Variants in PKIB observed in about 807,000 individuals in gnomAD.
PKIB encodes the protein PKI-beta.
A neutral mutation model predicts 4.5 loss-of-function variants in PKIB; 2 were observed. The observed-to-expected ratio is 0.44, with a 90% confidence interval of 0.18 to 1.39. The LOEUF (loss-of-function observed/expected upper bound fraction) is 1.39. PKIB is among the 40% of genes most tolerant of loss of function. The pLI, the probability that PKIB is intolerant of heterozygous loss-of-function variation, is 0.27. For missense variants in PKIB, 94 were observed against 92.6 expected (o/e 1.02, Z -0.06); for synonymous variants, 38 against 36.0 (o/e 1.06, Z -0.20).
intron 3 of PKIB, among the ~76,000 whole-genome samples, chr6:122,675,712 A>G (rs112422730): frequency 2.3e-3 from 346 of 152,304 alleles, no homozygotes; most frequent in African/African-American, 8.1e-3. Flanking sequence ...GACTTTTTCT[A>G]TTTTAATTTA....
Position 122,720,377 on chromosome 6 carries a change from G to T in PKIB, c.169+2414G>T, listed in dbSNP as rs540463247. Among the ~76,000 whole-genome samples, 138 of 152,254 alleles carry T rather than the reference G, an allele frequency of 9.1e-4. 2 individuals carry two copies. In the South Asian group the frequency reaches 0.028, roughly 31 times the overall value. On this transcript the variant is annotated intron_variant, in intron 4 of 4. Coordinates refer to ENST00000368452, the MANE Select transcript of PKIB (RefSeq NM_181795.3). ...ATATGAACAGGAGGTGACAGAGGGTGGCATCCTGGGATGGAGAAAGATCAG... is the reference window on the plus strand; with the variant it reads ...ATATGAACAGGAGGTGACAGAGGGTTGCATCCTGGGATGGAGAAAGATCAG...
intron 2 of PKIB, among the ~76,000 whole-genome samples, chr6:122,484,460 CTT>C (rs1223599595): frequency 6.6e-6 from 1 of 152,008 alleles, no homozygotes; most frequent in Admixed American, 6.6e-5. Flanking sequence ...ATAAATATGA[CTT>C]AATTTTTGGA....
intron 3 of PKIB, among the ~76,000 whole-genome samples, chr6:122,706,823 A>T (rs1434308027): frequency 6.6e-6 from 1 of 152,042 alleles, no homozygotes; most frequent in Non-Finnish European, 1.5e-5. Flanking sequence ...TCAACGAAGA[A>T]AATAGAAATC....
intron 2 of PKIB, among the ~76,000 whole-genome samples, chr6:122,488,941 A>T (rs1186716960): frequency 6.6e-6 from 1 of 152,136 alleles, no homozygotes; most frequent in East Asian, 1.9e-4. Context: ...CATTCTGGCC[A>T]TTGGCTTTTC....
At chr6:122,674,633 T>C (rs1228360872) in intron 2 of PKIB, among the ~76,000 whole-genome samples, 3 of 152,224 alleles carry the variant, frequency 2.0e-5, no homozygotes, top group Non-Finnish European at 2.9e-5. Context: ...AGAATACTTA[T>C]GGAGGGTGCA....
chr6:122,687,212 A>G (rs1023895431), intron 3 of PKIB, among the ~76,000 whole-genome samples: 3 of 152,168 alleles, frequency 2.0e-5, no homozygotes, highest in African/African-American at 7.2e-5. Flanking sequence ...AGTACCATTT[A>G]TTGAAGAGAC....
chr6:122,528,836 T>C (rs1236139050), intron 2 of PKIB, among the ~76,000 whole-genome samples: 1 of 152,046 alleles, frequency 6.6e-6, no homozygotes, highest in Non-Finnish European at 1.5e-5. Context: ...GTCATACTGA[T>C]TGCACTCTAA....
At chr6:122,602,632 T>C (rs1444309336) in intron 3 of PKIB, among the ~76,000 whole-genome samples, 1 of 152,044 alleles carries the variant, frequency 6.6e-6, no homozygotes, top group East Asian at 1.9e-4. Context: ...TAGGGTAAGT[T>C]GGCCAGGCGT....
At chr6:122,657,167 C>T (rs1480186008) in intron 2 of PKIB, among the ~76,000 whole-genome samples, 4 of 152,088 alleles carry the variant, frequency 2.6e-5, no homozygotes, top group Admixed American at 2.0e-4. Flanking sequence ...CTTTTTTACA[C>T]CAACTATCTT....
At chr6:122,500,933 AT>A (rs2114558096) in intron 2 of PKIB, among the ~76,000 whole-genome samples, 1 of 152,216 alleles carries the variant, frequency 6.6e-6, no homozygotes, top group Admixed American at 6.5e-5. Flanking sequence ...AAACAACCAG[AT>A]TTTGTGAGAA....
chr6:122,668,184 A>G (rs1024360474), intron 2 of PKIB, among the ~76,000 whole-genome samples: 1 of 152,236 alleles, frequency 6.6e-6, no homozygotes, highest in Non-Finnish European at 1.5e-5. Context: ...TTGTCTGGTC[A>G]TTAAGTAAAA....
At chr6:122,664,397 G>A (rs1777134136) in intron 2 of PKIB, among the ~76,000 whole-genome samples, 1 of 152,142 alleles carries the variant, frequency 6.6e-6, no homozygotes, top group Non-Finnish European at 1.5e-5. Flanking sequence ...GACACTTAAT[G>A]TAAATATTAA....
At chr6:122,547,060 T>C (rs1772518315) in intron 2 of PKIB, among the ~76,000 whole-genome samples, 1 of 152,118 alleles carries the variant, frequency 6.6e-6, no homozygotes, top group African/African-American at 2.4e-5. Flanking sequence ...GTTTATATAA[T>C]GGATCTGTGT....
chr6:122,680,265 C>T (rs1490430706), intron 3 of PKIB, among the ~76,000 whole-genome samples: 2 of 152,162 alleles, frequency 1.3e-5, no homozygotes, highest in African/African-American at 4.8e-5. Context: ...GTATGGATTG[C>T]CATATAGAAA....
chr6:122,623,836 ATT>A (rs35619999), intron 1 of PKIB, among the ~76,000 whole-genome samples: 36 of 149,404 alleles, frequency 2.4e-4, no homozygotes, highest in Non-Finnish European at 1.5e-4. Context: ...TTTAAGAGTG[ATT>A]TTTTTTTTTA....
Position 122,495,221 on chromosome 6 carries a change from C to T in PKIB, c.-248+17282C>T, listed in dbSNP as rs1049571597. On this transcript the variant is annotated intron_variant, in intron 2 of 6. Transcript: ENST00000392491. ...TAGCACCTCTGCATGCCACCAATAGCAAAGTCCACCCTCTTGGGTGGGAGG... is the reference window on the plus strand; with the variant it reads ...TAGCACCTCTGCATGCCACCAATAGTAAAGTCCACCCTCTTGGGTGGGAGG... 3.9e-5 allele frequency among the ~76,000 whole-genome samples: 6 copies of T among 152,170 alleles called. 1 individual carries two copies. Among genetic ancestry groups the T allele is most frequent in the African/African-American group, 1.4e-4 (6 of 41,444 alleles).
At chr6:122,568,657 G>C (rs574182435) in intron 2 of PKIB, among the ~76,000 whole-genome samples, 48 of 152,278 alleles carry the variant, frequency 3.2e-4, no homozygotes, top group Admixed American at 9.1e-4. Context: ...TCAGGAAGTG[G>C]GTTGCAGGTG....
At chr6:122,641,538 G>A (rs929861172) in intron 2 of PKIB, among the ~76,000 whole-genome samples, 1 of 152,106 alleles carries the variant, frequency 6.6e-6, no homozygotes, top group Non-Finnish European at 1.5e-5. Flanking sequence ...GGATCAGATT[G>A]CATATGAAGA....
intron 3 of PKIB, among the ~76,000 whole-genome samples, chr6:122,710,326 G>T (rs17084781): frequency 6.6e-6 from 1 of 152,004 alleles, no homozygotes; most frequent in African/African-American, 2.4e-5. Flanking sequence ...CAACACAGAC[G>T]GCCGTGTTCC....
Sources: allele counts gnomAD v4.1 joint callset (sites outside exome capture counted in the v4.1 genomes callset), GRCh38; gene constraint gnomAD v4.1.1; transcripts MANE v1.5; gene names NCBI Gene and HGNC (gene_info 2026-07-23, HGNC 2026-07-21).